Variants in KANTR observed in about 807,000 individuals in gnomAD.
KANTR encodes the protein KDM5C adjacent transcript.
At chrX:53,141,579 T>C (rs1401031661) in intron 2 of KANTR, among the ~76,000 whole-genome samples, 1 of 110,407 alleles carries the variant, frequency 9.1e-6, no homozygotes, top group Admixed American at 9.8e-5. Context: ...CTTCCCTCCC[T>C]CCCTTCCTCT....
chrX:53,120,560 G>A (rs917492730), intron 2 of KANTR, among the ~76,000 whole-genome samples: 5 of 110,767 alleles, frequency 4.5e-5, no homozygotes, highest in African/African-American at 9.8e-5. Context: ...TCTTGTGTTC[G>A]ATTTATTTAT....
At chrX:53,132,077 C>T (rs1176607624), downstream of KANTR, among the ~76,000 whole-genome samples, 1 of 112,098 alleles carries the variant, frequency 8.9e-6, no homozygotes. Flanking sequence ...ATGTGGAAGA[C>T]CTATACACTT....
At chrX:53,112,642 C>T (rs782029778) in intron 2 of KANTR, among the ~76,000 whole-genome samples, 3 of 110,759 alleles carry the variant, frequency 2.7e-5, no homozygotes, top group South Asian at 3.8e-4. Context: ...CTTCTTTTCT[C>T]TTCCTGCTTT....
At chrX:53,109,669 G>A (rs1176154522) in intron 2 of KANTR, among the ~76,000 whole-genome samples, 1 of 112,087 alleles carries the variant, frequency 8.9e-6, no homozygotes, top group Non-Finnish European at 1.9e-5. Context: ...TGTTGTTAGT[G>A]TATAGAAGTG....
At chrX:53,141,806 A>G (rs1556818499) in intron 2 of KANTR, 8 of 207,965 alleles carry the variant, frequency 3.8e-5, no homozygotes, top group East Asian at 2.0e-4. Flanking sequence ...AATTATGTAG[A>G]AAAAAACCTT....
At chrX:53,102,226 G>A (rs145563547) in intron 2 of KANTR, among the ~76,000 whole-genome samples, 3,523 of 111,502 alleles carry the variant, frequency 0.032, 62 homozygotes, top group Non-Finnish European at 0.053. Flanking sequence ...AATAAAATGA[G>A]GTATTGCCTG....
intron 2 of KANTR, among the ~76,000 whole-genome samples, chrX:53,104,515 C>T (rs1161680247): frequency 4.5e-5 from 5 of 110,705 alleles, no homozygotes; most frequent in Non-Finnish European, 9.4e-5. Context: ...AACATTTTCA[C>T]CCCCCGACCC....
chrX:53,110,922 CAA>C (rs1160968426), intron 2 of KANTR, among the ~76,000 whole-genome samples: 1 of 91,806 alleles, frequency 1.1e-5, no homozygotes, highest in East Asian at 3.4e-4. Flanking sequence ...GACTCTGTCT[CAA>C]AAAAAAAAAG....
intron 2 of KANTR, among the ~76,000 whole-genome samples, chrX:53,109,852 C>T (rs1933006815): frequency 1.8e-5 from 2 of 108,168 alleles, no homozygotes; most frequent in African/African-American, 6.7e-5. Context: ...CTCCTGGGTT[C>T]AAGCAATTCT....
intron 2 of KANTR, among the ~76,000 whole-genome samples, chrX:53,103,802 A>G (rs1203060729): frequency 9.0e-6 from 1 of 111,539 alleles, no homozygotes. Context: ...CAGCATCTGT[A>G]TCCACATACT....
At chrX:53,111,598 T>G (rs781884759) in intron 2 of KANTR, among the ~76,000 whole-genome samples, 3 of 112,039 alleles carry the variant, frequency 2.7e-5, no homozygotes, top group Non-Finnish European at 5.6e-5. Flanking sequence ...CTTTTACCAG[T>G]GAGTTTTATA....
downstream of KANTR, among the ~76,000 whole-genome samples, chrX:53,146,303 C>T: frequency 8.9e-6 from 1 of 111,897 alleles, no homozygotes; most frequent in Non-Finnish European, 1.9e-5. Context: ...CTTAAAGGAC[C>T]TGATGGAGCT....
chrX:53,124,087 C>T (rs890819333), exon 3 of KANTR: 31 of 233,998 alleles, frequency 1.3e-4, no homozygotes, highest in Non-Finnish European at 2.1e-4. Flanking sequence ...TTTGTTTTGG[C>T]GGGAAGAGTT....
intron 2 of KANTR, among the ~76,000 whole-genome samples, chrX:53,122,683 GTTTC>G (rs781911794): frequency 9.0e-6 from 1 of 111,634 alleles, no homozygotes; most frequent in East Asian, 2.8e-4. Context: ...TGCCTTTTCT[GTTTC>G]TTATGATAAT....
chrX:53,111,651 C>T (rs183504020), intron 2 of KANTR, among the ~76,000 whole-genome samples: 2 of 111,568 alleles, frequency 1.8e-5, no homozygotes, highest in South Asian at 7.5e-4. Flanking sequence ...TCTTTTCTTG[C>T]AGCTTGAAAA....
At chrX:53,119,366 A>G (rs1257298026) in intron 2 of KANTR, among the ~76,000 whole-genome samples, 1 of 112,112 alleles carries the variant, frequency 8.9e-6, no homozygotes, top group Non-Finnish European at 1.9e-5. Flanking sequence ...ATAGTTATAA[A>G]CATTTTCTTT....
chrX:53,125,544 A>T (rs1242147346), exon 3 of KANTR: 8 of 109,532 alleles, frequency 7.3e-5, no homozygotes, highest in Non-Finnish European at 1.9e-5. Context: ...CTATTTTTAA[A>T]TTTTTTTCTA....
At chrX:53,107,192 T>C (rs1390019251) in intron 2 of KANTR, among the ~76,000 whole-genome samples, 1 of 109,170 alleles carries the variant, frequency 9.2e-6, no homozygotes, top group Non-Finnish European at 1.9e-5. Context: ...TTCTTTCTTT[T>C]TTTTTTTCTT....
downstream of KANTR, among the ~76,000 whole-genome samples, chrX:53,130,143 A>C (rs782798114): frequency 1.8e-5 from 2 of 112,121 alleles, no homozygotes; most frequent in Admixed American, 1.9e-4. Flanking sequence ...CTGGGATTAC[A>C]GGCGTGAGCC....
Sources: gnomAD v4.1 joint callset for allele counts (sites outside exome capture counted in the v4.1 genomes callset) on GRCh38, gnomAD v4.1.1 for gene constraint, MANE v1.5 for transcripts, NCBI Gene and HGNC (gene_info 2026-07-23, HGNC 2026-07-21) for gene names.